The following RBM6 variants were observed in gnomAD, a reference collection of about 807,000 sequenced individuals.
The protein encoded by RBM6 is RNA-binding protein 6.
Under a neutral mutation model 140.4 loss-of-function variants are expected in RBM6, and 23 were observed. The ratio of observed to expected loss-of-function variants is 0.16; its 90% CI spans 0.12 to 0.23. RBM6 has a LOEUF of 0.23. Among genes scored for constraint, RBM6 ranks in the 10% least tolerant of loss-of-function variants. RBM6 has a pLI of 1.00. For synonymous variants in RBM6, 439 were observed against 475.6 expected (o/e 0.92, Z 1.00); for missense variants, 1,139 against 1,386.7 (o/e 0.82, Z 2.84).
At chr3:50,019,739 T>A (rs1402129971) in intron 6 of RBM6, among the ~76,000 whole-genome samples, 3 of 152,132 alleles carry the variant, frequency 2.0e-5, no homozygotes, top group Non-Finnish European at 4.4e-5. Flanking sequence ...ATAAGTGTGA[T>A]GTTAGCTATA....
At chr3:50,013,557 A>G (rs538287918) in intron 6 of RBM6, among the ~76,000 whole-genome samples, 5 of 152,144 alleles carry the variant, frequency 3.3e-5, no homozygotes, top group African/African-American at 1.2e-4. Context: ...AGTCCCAGCT[A>G]CTCGGGAGGC....
Position 50,009,777 on chromosome 3 carries a change from C to G in RBM6, c.1557+10264C>G, listed in dbSNP as rs1425286110. On this transcript the variant is annotated intron_variant, in intron 6 of 20. Coordinates refer to ENST00000266022, the MANE Select transcript of RBM6 (RefSeq NM_005777.3). ...ATGAGATCTCACTGTGTTGTCCAGG[C>G]TGGCCTTTTGCTCCTGGACTCAAGC... 2.0e-5 allele frequency among the ~76,000 whole-genome samples: 3 copies of G among 152,116 alleles called. No individual in the cohort carries two copies. The East Asian group carries it at 5.8e-4, about 29-fold the overall frequency.
intron 3 of RBM6, among the ~76,000 whole-genome samples, chr3:49,969,941 T>G (rs2108639554): frequency 6.9e-6 from 1 of 144,498 alleles, no homozygotes; most frequent in East Asian, 2.0e-4. Flanking sequence ...GTTAGTTGTG[T>G]TTTTTTTTTT....
At chr3:49,958,644 G>A (rs1286110980) in intron 1 of RBM6, among the ~76,000 whole-genome samples, 1 of 151,756 alleles carries the variant, frequency 6.6e-6, no homozygotes, top group African/African-American at 2.4e-5. Flanking sequence ...CCAGTTACTC[G>A]GGAAGCTGAG....
At position 50,048,287 on chromosome 3, in the gene RBM6, G is replaced by A. The variant is rs1464304616; in HGVS notation, c.1600G>A (p.Val534Ile). The change falls in exon 7 of 21, where the codon GTA (valine) becomes ATA (isoleucine). Residue 534 changes from valine to isoleucine, a missense_variant. Around this residue, in one of 9 missense-constraint regions of RBM6, gnomAD observed 58 missense variants for 99.7 expected, o/e 0.58. Transcript: ENST00000266022. The stretch of plus-strand genomic sequence containing the variant: ...GGACAAAGAAGTTACCCTGGAGTAT[G>A]TATCAAGCCTGGATTTTTGGTACTG... ...IQDKEVTLEYVSSLDFWYCKR... is the reference protein window; with the variant it reads ...IQDKEVTLEYISSLDFWYCKR... 2 of 1,613,180 alleles carry A rather than the reference G, an allele frequency of 1.2e-6. No individual in the cohort carries two copies. The highest frequency in any genetic ancestry group is 1.7e-5 in the Admixed American group (1 of 59,870).
chr3:50,060,478 T>G (rs374003447), intron 11 of RBM6, among the ~76,000 whole-genome samples: 35 of 152,062 alleles, frequency 2.3e-4, no homozygotes, highest in Admixed American at 4.6e-4. Flanking sequence ...GCAGGCGTGG[T>G]GGCTCACGCC....
At chr3:49,974,713 G>A (rs559924063) in intron 4 of RBM6, among the ~76,000 whole-genome samples, 1 of 109,056 alleles carries the variant, frequency 9.2e-6, no homozygotes, top group South Asian at 3.2e-4. Context: ...TAAAGATAGT[G>A]TCTCGCTCTG....
At chr3:49,955,962 G>T (rs532174202) in intron 1 of RBM6, among the ~76,000 whole-genome samples, 1 of 151,216 alleles carries the variant, frequency 6.6e-6, no homozygotes. Flanking sequence ...TACTGATAAG[G>T]ACTTTTGCCA....
intron 5 of RBM6, among the ~76,000 whole-genome samples, chr3:49,999,199 A>G (rs928377739): frequency 2.0e-5 from 3 of 152,158 alleles, no homozygotes; most frequent in African/African-American, 7.2e-5. Context: ...AAAGAGGGCA[A>G]AGGATCTTCT....
intron 6 of RBM6, among the ~76,000 whole-genome samples, chr3:50,001,191 G>A (rs2086312180): frequency 6.6e-6 from 1 of 152,308 alleles, no homozygotes; most frequent in Non-Finnish European, 1.5e-5. Context: ...CAGGCCAGGA[G>A]TGGTGGCTTA....
chr3:49,948,250 A>T (rs1302842420), intron 1 of RBM6, among the ~76,000 whole-genome samples: 1 of 152,184 alleles, frequency 6.6e-6, no homozygotes, highest in Non-Finnish European at 1.5e-5. Flanking sequence ...AAAATAGGCC[A>T]GGCACGGTGG....
intron 6 of RBM6, among the ~76,000 whole-genome samples, chr3:50,046,182 G>A (rs1346529001): frequency 1.3e-5 from 2 of 151,792 alleles, no homozygotes; most frequent in African/African-American, 2.4e-5. Flanking sequence ...TCGGGAGGCT[G>A]AGGCAGGAGA....
At chr3:50,044,937 AC>A (rs1410429998) in intron 6 of RBM6, among the ~76,000 whole-genome samples, 2 of 152,236 alleles carry the variant, frequency 1.3e-5, no homozygotes, top group African/African-American at 4.8e-5. Context: ...ACAATTGGCT[AC>A]CCTTCAACAG....
chr3:49,974,247 T>C (rs2084953122), intron 4 of RBM6, among the ~76,000 whole-genome samples: 1 of 152,018 alleles, frequency 6.6e-6, no homozygotes, highest in Non-Finnish European at 1.5e-5. Context: ...TATTTATTTT[T>C]GAGACAGGGT....
intron 19 of RBM6, among the ~76,000 whole-genome samples, chr3:50,072,271 G>A (rs905820215): frequency 2.0e-5 from 3 of 151,582 alleles, no homozygotes; most frequent in South Asian, 2.1e-4. Context: ...TTAGCCAGGC[G>A]TGGTGGTGGG....
intron 6 of RBM6, among the ~76,000 whole-genome samples, chr3:50,042,200 A>G (rs1030817432): frequency 2.6e-5 from 4 of 152,222 alleles, no homozygotes; most frequent in African/African-American, 9.6e-5. Context: ...ACACAAAACA[A>G]TGAAGAGTAA....
chr3:50,070,506 G>T lies in RBM6; in HGVS notation c.3070G>T (p.Asp1024Tyr). The change falls in exon 19 of 21, where the codon GAC becomes TAC. Residue 1024 changes from aspartate to tyrosine, a missense_variant. Asp to Tyr is a radical substitution (Grantham distance 160). This residue lies in a region of RBM6 where 125 missense variants were observed against 142.0 expected (regional missense o/e 0.88). Transcript: ENST00000266022. ...NDRREKLQSF[D>Y]SPERKRIKYS... ...TCGCAGGGAAAAGCTCCAGTCTTTT[G>T]ACTCTCCAGAAAGGAAACGGATTAA... 1 of 1,614,074 alleles carries T rather than the reference G, an allele frequency of 6.2e-7. No individual in the cohort carries two copies. The highest frequency in any genetic ancestry group is 1.1e-5 in the South Asian group (1 of 91,076).
intron 11 of RBM6, 126 bp downstream of exon 11, chr3:50,059,872 G>A: frequency 1.6e-6 from 1 of 636,518 alleles, no homozygotes; most frequent in Non-Finnish European, 2.7e-6. Flanking sequence ...TCAGATAGGT[G>A]TTTATTACAG....
At chr3:50,061,412 G>A (rs1559645579) in intron 13 of RBM6, 50 bp from the exon 14 acceptor site, 2 of 1,585,010 alleles carry the variant, frequency 1.3e-6, no homozygotes, top group Non-Finnish European at 8.5e-7. Flanking sequence ...TCTCCAGTAA[G>A]GGCTTCATTG....
Sources: allele counts gnomAD v4.1 joint callset (sites outside exome capture counted in the v4.1 genomes callset), GRCh38; gene constraint gnomAD v4.1.1; regional missense constraint gnomAD v4.1.1; transcripts MANE v1.5; gene names NCBI Gene and HGNC (gene_info 2026-07-23, HGNC 2026-07-21).